Variants in WWOX observed in about 807,000 individuals in gnomAD.
WWOX encodes the protein WW domain containing oxidoreductase.
A neutral mutation model predicts 46.2 loss-of-function variants in WWOX; 69 were observed. The observed-to-expected ratio is 1.49, with a 90% CI of 1.23 to 1.82. The LOEUF (loss-of-function observed/expected upper bound fraction) is 1.82, where lower values mean the gene tolerates loss of function less well. WWOX is among the 40% of genes most tolerant of loss of function. The pLI is 0.00. For missense variants in WWOX, 919 were observed against 542.6 expected, an observed-to-expected ratio of 1.69 and a Z score of -6.89; for synonymous variants, 359 against 202.6, an observed-to-expected ratio of 1.77 and a Z score of -6.56.
At chr16:78,790,536 T>A (rs1490851926) in intron 8 of WWOX, among the ~76,000 whole-genome samples, 1 of 152,182 alleles carries the variant, frequency 6.6e-6, no homozygotes, top group Non-Finnish European at 1.5e-5. Flanking sequence ...AAGAGACCAG[T>A]ATCTACTACC....
intron 8 of WWOX, among the ~76,000 whole-genome samples, chr16:78,562,693 C>G (rs980864563): frequency 6.6e-6 from 1 of 152,288 alleles, no homozygotes; most frequent in African/African-American, 2.4e-5. Context: ...GCCATCTGCA[C>G]TCACTGACAA....
chr16:79,140,451 A>T (rs906326649), intron 8 of WWOX, among the ~76,000 whole-genome samples: 1 of 152,172 alleles, frequency 6.6e-6, no homozygotes, highest in Non-Finnish European at 1.5e-5. Context: ...CTCCTACCAT[A>T]CAGCACTGAC....
chr16:78,736,320 C>G (rs1440230192), intron 8 of WWOX, among the ~76,000 whole-genome samples: 2 of 152,092 alleles, frequency 1.3e-5, no homozygotes, highest in Non-Finnish European at 2.9e-5. Flanking sequence ...TGCCAGGTGT[C>G]TTGGGCAAGG....
chr16:79,173,747 A>G (rs890035617), intron 8 of WWOX, among the ~76,000 whole-genome samples: 2 of 152,222 alleles, frequency 1.3e-5, no homozygotes, highest in Admixed American at 1.3e-4. Flanking sequence ...AATACTAGGT[A>G]GCCACTAAAA....
rs1555536293 is a variant in WWOX at position 78,422,663 on chromosome 16, G to GTATGTATATATATATATATATATATA, written c.606-2204_606-2203insGTATATATATATATATATATATATAT. ...GCCCAGCCTCCTGTTTTTTTTACATGTATATATATATATATATATATACAC... is the reference window on the plus strand; with the variant it reads ...GCCCAGCCTCCTGTTTTTTTTACATGTATGTATATATATATATATATATATATATATATATATATATATATATACAC... On this transcript the variant is annotated intron_variant, in intron 6 of 8. Coordinates refer to ENST00000566780, the MANE Select transcript of WWOX (RefSeq NM_016373.4). Among the ~76,000 whole-genome samples, 24 of 24,410 alleles carry GTATGTATATATATATATATATATATA rather than the reference G, an allele frequency of 9.8e-4. 1 individual carries two copies. The highest frequency in any genetic ancestry group is 2.5e-3 in the Non-Finnish European group (23 of 9,240). The allele number at this position is 24,410 out of a possible 152,430, so 16.0% of individuals were successfully genotyped here. A position where few individuals can be genotyped will look rare whatever the true frequency, so the allele number is the denominator to read the frequency against.
chr16:78,144,077 T>C (rs2151710575), intron 4 of WWOX, among the ~76,000 whole-genome samples: 1 of 152,254 alleles, frequency 6.6e-6, no homozygotes, highest in South Asian at 2.1e-4. Context: ...TATTCACATC[T>C]GTAAGAAATT....
intron 8 of WWOX, among the ~76,000 whole-genome samples, chr16:78,772,455 T>C (rs897659152): frequency 2.0e-5 from 3 of 152,192 alleles, no homozygotes; most frequent in Admixed American, 6.5e-5. Flanking sequence ...TGTGGACATT[T>C]AGGTTGATTC....
At chr16:78,853,027 A>G (rs2052485453) in intron 8 of WWOX, among the ~76,000 whole-genome samples, 2 of 152,160 alleles carry the variant, frequency 1.3e-5, no homozygotes, top group East Asian at 1.9e-4. Context: ...ATAATTAGTA[A>G]TGTCTTATCT....
intron 8 of WWOX, among the ~76,000 whole-genome samples, chr16:79,039,502 T>C (rs2047931324): frequency 6.6e-6 from 1 of 152,148 alleles, no homozygotes; most frequent in Non-Finnish European, 1.5e-5. Context: ...TAAAGGCTGA[T>C]TAGAAACAGT....
intron 8 of WWOX, chr16:78,552,085 G>C (rs976648906): frequency 1.5e-4 from 23 of 152,314 alleles, no homozygotes; most frequent in Admixed American, 1.3e-3. Flanking sequence ...CCTCTGGAAA[G>C]AAAATGGTGG....
At chr16:78,875,778 C>T (rs1032789706) in intron 8 of WWOX, among the ~76,000 whole-genome samples, 1 of 152,180 alleles carries the variant, frequency 6.6e-6, no homozygotes. Context: ...CTCTGCATGT[C>T]CTGGATAATC....
chr16:78,370,266 C>T (rs2081641626), intron 5 of WWOX, among the ~76,000 whole-genome samples: 1 of 151,968 alleles, frequency 6.6e-6, no homozygotes. Context: ...CAGTTTGCTC[C>T]TTAGCAAGAT....
chr16:78,567,552 C>CAA (rs71272440), intron 8 of WWOX, among the ~76,000 whole-genome samples: 4,685 of 51,404 alleles, frequency 0.091, 351 homozygotes, highest in Non-Finnish European at 0.12. Context: ...GACTCCGTCT[C>CAA]AAAAAAAAAA....
intron 8 of WWOX, among the ~76,000 whole-genome samples, chr16:79,198,107 C>G (rs186776017): frequency 1.3e-5 from 2 of 151,560 alleles, no homozygotes; most frequent in East Asian, 3.9e-4. Context: ...GGTGGATCAC[C>G]TGAGGACAGG....
At chr16:78,921,691 T>C (rs2045383515) in intron 8 of WWOX, among the ~76,000 whole-genome samples, 1 of 152,178 alleles carries the variant, frequency 6.6e-6, no homozygotes, top group African/African-American at 2.4e-5. Flanking sequence ...TTCTGAGTAC[T>C]AACTGTTAAA....
At chr16:78,466,960 T>C (rs1429416795) in intron 8 of WWOX, among the ~76,000 whole-genome samples, 3 of 151,984 alleles carry the variant, frequency 2.0e-5, no homozygotes, top group Non-Finnish European at 4.4e-5. Context: ...AGTAAACAGA[T>C]CTTAGAGAGG....
At position 78,459,902 on chromosome 16, in the gene WWOX, T is replaced by C. The variant is rs570488540; in HGVS notation, c.1056+27150T>C. On this transcript the variant is annotated intron_variant, in intron 8 of 8. Transcript: ENST00000566780. ...TCACTGCAGTCTTGACCACCCTGGC[T>C]CAGGTGATCCTCCCACCTCAGCCTC... Among the ~76,000 whole-genome samples, 114 of 151,820 alleles carry C rather than the reference T, an allele frequency of 7.5e-4. 1 individual carries two copies. Among genetic ancestry groups the C allele is most frequent in the African/African-American group, 2.7e-3 (111 of 41,446 alleles).
intron 8 of WWOX, among the ~76,000 whole-genome samples, chr16:78,729,861 C>T (rs528668361): frequency 6.6e-6 from 1 of 152,146 alleles, no homozygotes; most frequent in Non-Finnish European, 1.5e-5. Flanking sequence ...ATAGTGAAAC[C>T]ACTGTGGTCC....
rs4888922 is a variant in WWOX at position 79,087,578 on chromosome 16, A to C, written c.1057-124030A>C. Among the ~76,000 whole-genome samples the C allele has an allele frequency of 9.0e-3, 1,372 of 152,034 alleles. 36 individuals are homozygous for C. The highest frequency in any genetic ancestry group is 0.067 in the East Asian group (346 of 5,172). ...GCCAGAGCAAGACTCTGTGCTGGAC[A>C]AGAAGTCCTGAGCACTGGGGAGTTG... is the stretch of plus-strand genomic sequence containing the variant. On this transcript the variant is annotated intron_variant, in intron 8 of 8. Transcript: ENST00000566780.
Sources: allele counts gnomAD v4.1 joint callset (sites outside exome capture counted in the v4.1 genomes callset), GRCh38; gene constraint gnomAD v4.1.1; transcripts MANE v1.5; gene names NCBI Gene and HGNC (gene_info 2026-07-23, HGNC 2026-07-21).